Variants in PCDHA2 observed in about 807,000 individuals in gnomAD.
PCDHA2 encodes protocadherin alpha 2.
PCDHA2 carries 58 observed loss-of-function variants against 66.0 expected under a neutral mutation model. The ratio of observed to expected loss-of-function variants is 0.88; its 90% CI spans 0.71 to 1.09. The LOEUF (loss-of-function observed/expected upper bound fraction) is 1.09. Ranked by LOEUF, PCDHA2 falls within the 50% of genes least tolerant of loss-of-function variation. The pLI is 0.00. For synonymous variants in PCDHA2, 634 were observed against 554.0 expected, an observed-to-expected ratio of 1.14 and a Z score of -2.03; for missense variants, 1,267 against 1,242.3, an observed-to-expected ratio of 1.02 and a Z score of -0.30.
intron 1 of PCDHA2, among the ~76,000 whole-genome samples, chr5:140,917,832 C>T (rs1554198323): frequency 1.3e-5 from 2 of 151,488 alleles, no homozygotes; most frequent in Admixed American, 6.6e-5. Context: ...AGTGTGATGT[C>T]CTTCTTGTTC....
intron 1 of PCDHA2, chr5:140,836,013 C>T: frequency 1.9e-6 from 3 of 1,613,378 alleles, no homozygotes; most frequent in Non-Finnish European, 2.5e-6. Flanking sequence ...GGGCGTGCCG[C>T]CTCTGGGCAG....
At chr5:140,856,985 A>G (rs1463839145) in intron 1 of PCDHA2, 1 of 1,595,232 alleles carries the variant, frequency 6.3e-7, no homozygotes, top group Non-Finnish European at 8.6e-7. Flanking sequence ...TGAGGACAGT[A>G]ACACTTATGA....
At chr5:140,997,668 T>TTGTGTGTGTGTGTGTGTG (rs35184029) in intron 3 of PCDHA2, among the ~76,000 whole-genome samples, 77 of 148,344 alleles carry the variant, frequency 5.2e-4, no homozygotes, top group African/African-American at 1.8e-3. Context: ...ATTATACAGC[T>TTGTGTGTGTGTGTGTGTG]TGTGTGTGTG....
At chr5:140,867,227 T>C (rs73793506) in intron 1 of PCDHA2, 1 of 152,106 alleles carries the variant, frequency 6.6e-6, no homozygotes, top group African/African-American at 2.4e-5. Context: ...CCAATTCCCA[T>C]AATAAGGTGA....
At chr5:140,846,369 C>CTTTTTTTTTTT (rs797033964) in intron 1 of PCDHA2, among the ~76,000 whole-genome samples, 5 of 102,192 alleles carry the variant, frequency 4.9e-5, no homozygotes, top group African/African-American at 7.6e-5. Context: ...TCTTTTCTTT[C>CTTTTTTTTTTT]TTTCTTTTTT....
intron 1 of PCDHA2, among the ~76,000 whole-genome samples, chr5:140,846,899 G>C (rs1467699891): frequency 6.7e-6 from 1 of 149,660 alleles, no homozygotes; most frequent in Admixed American, 6.7e-5. Context: ...CGTTGAAGTT[G>C]AAAGACAATC....
intron 3 of PCDHA2, among the ~76,000 whole-genome samples, chr5:141,002,672 C>A (rs1301536253): frequency 6.6e-6 from 1 of 152,292 alleles, no homozygotes; most frequent in African/African-American, 2.4e-5. Context: ...AGGACCAAAA[C>A]CTATACGACG....
chr5:140,868,265 T>G (rs182913735), intron 1 of PCDHA2: 1 of 152,250 alleles, frequency 6.6e-6, no homozygotes, highest in African/African-American at 2.4e-5. Flanking sequence ...GTGGATTCTT[T>G]TTTAAAACTA....
rs141660057 is a variant in PCDHA2 at position 140,796,320 on chromosome 5, G to C, written c.1356G>C (p.Ala452=). Residue 452 remains alanine, a synonymous_variant, in exon 1 of 4, where the codon GCG becomes GCC. Coordinates refer to ENST00000526136, the MANE Select transcript of PCDHA2 (RefSeq NM_018905.3). Reference sequence around the variant, plus strand: ...AGGTGGCCGACGTGAACGACAACGCGCCGGCGTTCGCACAGCCTGAGTACA... The same window carrying C: ...AGGTGGCCGACGTGAACGACAACGCCCCGGCGTTCGCACAGCCTGAGTACA... ...SIEVADVNDN[A]PAFAQPEYTV... 5.1e-5 allele frequency: 83 copies of C among 1,614,094 alleles called. No individual in the cohort carries two copies. The African/African-American group carries it at 9.2e-4, about 18-fold the overall frequency.
chr5:140,836,887 T>C, intron 1 of PCDHA2: 1 of 643,788 alleles, frequency 1.6e-6, no homozygotes, highest in South Asian at 2.6e-5. Context: ...CACTAATTAT[T>C]TGGAAGTACG....
chr5:140,883,000 ATCCGT>A (rs1554176436), intron 1 of PCDHA2: 1 of 1,614,138 alleles, frequency 6.2e-7, no homozygotes, highest in Non-Finnish European at 8.5e-7. Flanking sequence ...AATTTTACCA[ATCCGT>A]TTATAAAGTG....
At chr5:140,893,104 T>A (rs2063818844) in intron 1 of PCDHA2, among the ~76,000 whole-genome samples, 1 of 152,224 alleles carries the variant, frequency 6.6e-6, no homozygotes, top group South Asian at 2.1e-4. Flanking sequence ...TGGATAATAT[T>A]CCGTTGTGCA....
chr5:140,841,285 T>G (rs2150312602), intron 1 of PCDHA2: 2 of 1,550,288 alleles, frequency 1.3e-6, no homozygotes, highest in East Asian at 2.3e-5. Context: ...ATCTTTATAT[T>G]AAGATAATAT....
chr5:140,817,377 T>A (rs1766124750), intron 1 of PCDHA2: 1 of 152,226 alleles, frequency 6.6e-6, no homozygotes, highest in South Asian at 2.1e-4. Flanking sequence ...TCGGCACTTA[T>A]CACCATGGGA....
intron 1 of PCDHA2, chr5:140,824,095 A>G (rs2150132128): frequency 6.2e-7 from 1 of 1,614,170 alleles, no homozygotes; most frequent in Non-Finnish European, 8.5e-7. Context: ...CTTCAGTCCA[A>G]GCCTTCCTCA....
At chr5:140,889,424 A>AT (rs1554183891) in intron 1 of PCDHA2, among the ~76,000 whole-genome samples, 2 of 151,956 alleles carry the variant, frequency 1.3e-5, no homozygotes, top group Non-Finnish European at 2.9e-5. Flanking sequence ...CGTAGATAAT[A>AT]TTTTTTCAGG....
At chr5:140,927,076 C>T (rs142317713) in intron 1 of PCDHA2, 7 of 1,611,008 alleles carry the variant, frequency 4.3e-6, no homozygotes, top group Non-Finnish European at 5.1e-6. Context: ...TTCCAGCCAC[C>T]GCGAGCTCTA....
intron 1 of PCDHA2, chr5:140,862,574 C>G (rs1338632403): frequency 4.1e-6 from 2 of 484,868 alleles, no homozygotes; most frequent in East Asian, 1.1e-4. Context: ...AATGCCCTGG[C>G]GTTCCAGCAG....
chr5:140,871,658 C>A, intron 1 of PCDHA2: 1 of 1,224,214 alleles, frequency 8.2e-7, no homozygotes, highest in Non-Finnish European at 1.1e-6. Flanking sequence ...TGATACACAT[C>A]TTCAGTCTTT....
Sources: gnomAD v4.1 joint callset for allele counts (sites outside exome capture counted in the v4.1 genomes callset) on GRCh38, gnomAD v4.1.1 for gene constraint, MANE v1.5 for transcripts, NCBI Gene and HGNC (gene_info 2026-07-23, HGNC 2026-07-21) for gene names.